The following CTNNA2 variants were observed in gnomAD, a reference collection of about 807,000 sequenced individuals.
The protein encoded by CTNNA2 is catenin alpha-2.
A neutral mutation model predicts 101.0 loss-of-function variants in CTNNA2; 42 were observed. The observed-to-expected ratio is 0.42, with a 90% CI of 0.32 to 0.54. The LOEUF is 0.54. Ranked by LOEUF, CTNNA2 falls within the 20% of genes least tolerant of loss-of-function variation. The pLI is 0.14. For missense variants in CTNNA2, 871 were observed against 1,223.1 expected (o/e 0.71, Z 4.29); for synonymous variants, 450 against 456.4 (o/e 0.99, Z 0.18).
intron 1 of CTNNA2, among the ~76,000 whole-genome samples, chr2:79,624,286 C>T (rs1445769920): frequency 6.6e-6 from 1 of 151,578 alleles, no homozygotes; most frequent in Non-Finnish European, 1.5e-5. Flanking sequence ...ATGCAAACAG[C>T]TGTAAATTTG....
chr2:80,161,462 ATACAT>A (rs1412351147), intron 7 of CTNNA2, among the ~76,000 whole-genome samples: 14 of 152,296 alleles, frequency 9.2e-5, no homozygotes, highest in Admixed American at 3.3e-4. Context: ...CAGTATCTTA[ATACAT>A]TACAAGTTTT....
At chr2:80,521,576 A>T (rs937300664) in intron 9 of CTNNA2, among the ~76,000 whole-genome samples, 1 of 152,136 alleles carries the variant, frequency 6.6e-6, no homozygotes, top group Non-Finnish European at 1.5e-5. Context: ...TGAAAGAGGG[A>T]GGCAGGAGAG....
intron 2 of CTNNA2, among the ~76,000 whole-genome samples, chr2:79,672,100 A>T (rs1311726508): frequency 6.6e-6 from 1 of 152,030 alleles, no homozygotes; most frequent in Non-Finnish European, 1.5e-5. Context: ...ATTTTCTATA[A>T]AAAAAAGTTC....
At chr2:80,203,429 T>G (rs1707335770) in intron 7 of CTNNA2, among the ~76,000 whole-genome samples, 1 of 152,162 alleles carries the variant, frequency 6.6e-6, no homozygotes, top group Admixed American at 6.5e-5. Context: ...CAATTCCAAA[T>G]GGGAGAAATT....
chr2:80,381,963 G>A (rs1479158379), intron 7 of CTNNA2, among the ~76,000 whole-genome samples: 5 of 152,148 alleles, frequency 3.3e-5, no homozygotes, highest in Non-Finnish European at 5.9e-5. Flanking sequence ...TTAATCCTAT[G>A]CATACAATCA....
chr2:79,514,922 C>T (rs1671729114), intron 1 of CTNNA2, among the ~76,000 whole-genome samples: 2 of 152,092 alleles, frequency 1.3e-5, no homozygotes, highest in Admixed American at 6.5e-5. Flanking sequence ...TATTATATGA[C>T]AGTAGTGCAA....
At chr2:79,639,482 C>A (rs2033335) in intron 1 of CTNNA2, among the ~76,000 whole-genome samples, 62,021 of 151,962 alleles carry the variant, frequency 0.41, 12,830 homozygotes, top group Admixed American at 0.47. Context: ...CTTGCATTAA[C>A]AGTAAAATTT....
intron 3 of CTNNA2, among the ~76,000 whole-genome samples, chr2:79,338,575 A>ATCTTCTTCTTCTTCTTCTTCTTCTTCT (rs1239699778): frequency 3.1e-4 from 36 of 115,420 alleles, no homozygotes; most frequent in Non-Finnish European, 3.6e-4. Flanking sequence ...CTTCCTCCTC[A>ATCTTCTTCTTCTTCTTCTTCTTCTTCT]TCATCTTCTT....
intron 9 of CTNNA2, among the ~76,000 whole-genome samples, chr2:80,497,175 CTT>C (rs914151091): frequency 6.6e-6 from 1 of 152,152 alleles, no homozygotes; most frequent in African/African-American, 2.4e-5. Flanking sequence ...TTTTCAAACT[CTT>C]TTTATTTTAC....
intron 7 of CTNNA2, among the ~76,000 whole-genome samples, chr2:80,038,898 A>G (rs1364982954): frequency 2.0e-5 from 3 of 152,160 alleles, no homozygotes. Context: ...ATTCTGTATC[A>G]CTTTATCAAC....
At chr2:79,360,434 T>C (rs986267026) in intron 3 of CTNNA2, among the ~76,000 whole-genome samples, 1 of 152,162 alleles carries the variant, frequency 6.6e-6, no homozygotes, top group East Asian at 1.9e-4. Flanking sequence ...GAAAGTGTCA[T>C]GTGGATGAGA....
intron 9 of CTNNA2, among the ~76,000 whole-genome samples, chr2:80,534,569 A>C (rs1690828089): frequency 6.6e-6 from 1 of 152,194 alleles, no homozygotes; most frequent in Non-Finnish European, 1.5e-5. Context: ...GTCCTGCAAG[A>C]ATTCAGTCTA....
At chr2:79,989,907 C>T (rs1692047459) in intron 7 of CTNNA2, among the ~76,000 whole-genome samples, 2 of 152,110 alleles carry the variant, frequency 1.3e-5, no homozygotes, top group South Asian at 4.1e-4. Flanking sequence ...TATCTATCTG[C>T]CTTTGCTGAA....
At chr2:79,788,020 G>A (rs189877726) in intron 3 of CTNNA2, among the ~76,000 whole-genome samples, 29 of 152,200 alleles carry the variant, frequency 1.9e-4, no homozygotes, top group African/African-American at 6.3e-4. Flanking sequence ...AGATGAATGC[G>A]AAAGAAGTTA....
chr2:79,793,427 T>C (rs1448603629), intron 3 of CTNNA2, among the ~76,000 whole-genome samples: 1 of 152,228 alleles, frequency 6.6e-6, no homozygotes, highest in Non-Finnish European at 1.5e-5. Context: ...CAGGAAGCTT[T>C]ATCTTTTATA....
In CTNNA2 at chr2:80,560,020, G is replaced by T. The variant is rs1201163418; in HGVS notation, c.1741+4127G>T. Among the ~76,000 whole-genome samples, 12 of 142,504 alleles carry T rather than the reference G, an allele frequency of 8.4e-5. No homozygotes were observed. The East Asian group carries it at 2.4e-3, about 29-fold the overall frequency. The allele number at this position is 142,504 out of a possible 152,430, so 93.5% of individuals were successfully genotyped here. A position where few individuals can be genotyped will look rare whatever the true frequency, so the allele number is the denominator to read the frequency against. ...TAGGTTAAAAGATCTGTGAGATTCT[G>T]CCAGATATTTTTTCTTCAGAGGAAA... On this transcript the variant is annotated intron_variant, in intron 12 of 18. Coordinates refer to ENST00000402739, the MANE Select transcript of CTNNA2 (RefSeq NM_001282597.3).
At chr2:79,421,902 G>A (rs1678544008) in intron 4 of CTNNA2, among the ~76,000 whole-genome samples, 1 of 152,168 alleles carries the variant, frequency 6.6e-6, no homozygotes, top group Admixed American at 6.5e-5. Context: ...GGTATAGGAA[G>A]TATAGAGCCC....
chr2:79,951,442 G>A (rs951680928), intron 7 of CTNNA2, among the ~76,000 whole-genome samples: 2 of 152,068 alleles, frequency 1.3e-5, no homozygotes, highest in African/African-American at 2.4e-5. Flanking sequence ...TGAGGTGGAC[G>A]GATCACTTGA....
intron 4 of CTNNA2, among the ~76,000 whole-genome samples, chr2:79,387,114 C>T (rs1395087768): frequency 6.6e-6 from 1 of 152,250 alleles, no homozygotes; most frequent in Admixed American, 6.5e-5. Context: ...TCAGGCTGAC[C>T]TTTCTGTCTA....
Sources: gnomAD v4.1 joint callset for allele counts (sites outside exome capture counted in the v4.1 genomes callset) on GRCh38, gnomAD v4.1.1 for gene constraint, MANE v1.5 for transcripts, NCBI Gene and HGNC (gene_info 2026-07-23, HGNC 2026-07-21) for gene names.